ANKRD33B: variants seen among roughly 807,000 people sequenced by gnomAD.
ANKRD33B encodes ankyrin repeat domain-containing protein 33B.
ANKRD33B carries 6 observed loss-of-function variants against 21.5 expected under a neutral mutation model. That is an observed-to-expected ratio of 0.28 (90% CI 0.15 to 0.55). The LOEUF is 0.55. Among genes scored for constraint, ANKRD33B ranks in the 20% least tolerant of loss-of-function variants. ANKRD33B has a pLI of 0.94. For missense variants in ANKRD33B, 698 were observed against 747.2 expected (o/e 0.93, Z 0.77); for synonymous variants, 347 against 342.4 (o/e 1.01, Z -0.15).
At chr5:10,626,877 G>T (rs1412349102) in intron 2 of ANKRD33B, among the ~76,000 whole-genome samples, 1 of 152,220 alleles carries the variant, frequency 6.6e-6, no homozygotes, top group Non-Finnish European at 1.5e-5. Flanking sequence ...GTAGACAGCA[G>T]TCGCACTAAG....
chr5:10,613,348 G>A (rs570936791), intron 1 of ANKRD33B, among the ~76,000 whole-genome samples: 8 of 148,410 alleles, frequency 5.4e-5, no homozygotes, highest in Admixed American at 2.0e-4. Context: ...GCAGTGGCAC[G>A]ATCTCAGCTC....
Position 10,657,226 on chromosome 5 carries a change from AATAC to A in ANKRD33B, c.*7114_*7117del, listed in dbSNP as rs1737511595. ...GGGGCATCCGACTGAATTTGAAAAT[AATAC>A]CCCATTCAGATGAACATTAAAAGCC... On this transcript the variant is annotated 3_prime_UTR_variant, in exon 4 of 4. Coordinates refer to ENST00000296657, the MANE Select transcript of ANKRD33B (RefSeq NM_001164440.2). The A allele has an allele frequency of 6.6e-6, 1 of 152,396 alleles. No individual in the cohort carries two copies. The highest frequency in any genetic ancestry group is 1.5e-5 in the Non-Finnish European group (1 of 68,048). 9.4% of individuals were successfully genotyped at this position (152,396 alleles called of 1,614,324 possible).
Position 10,598,746 on chromosome 5 carries a change from T to C in ANKRD33B, c.367-19587T>C, listed in dbSNP as rs149762449. ...ATTAGCTACTACACCTGGCCAATCA[T>C]ATTTTATGTTAATAATACTTGGTTA... On this transcript the variant is annotated intron_variant, in intron 1 of 3. Coordinates refer to ENST00000296657, the MANE Select transcript of ANKRD33B (RefSeq NM_001164440.2). 8.5e-3 allele frequency among the ~76,000 whole-genome samples: 1,300 copies of C among 152,260 alleles called. 18 individuals carry two copies. The highest frequency in any genetic ancestry group is 0.01 in the Middle Eastern group (3 of 294).
At chr5:10,617,361 A>T (rs919668320) in intron 1 of ANKRD33B, among the ~76,000 whole-genome samples, 1 of 152,166 alleles carries the variant, frequency 6.6e-6, no homozygotes, top group African/African-American at 2.4e-5. Flanking sequence ...TCTGTCCCAC[A>T]TCCTGTCGCT....
intron 2 of ANKRD33B, among the ~76,000 whole-genome samples, chr5:10,620,118 G>A (rs749662121): frequency 5.3e-5 from 8 of 152,110 alleles, no homozygotes; most frequent in African/African-American, 7.2e-5. Context: ...TTTCAGTAGC[G>A]TGAGGCTGCG....
At chr5:10,623,734 C>T (rs1339748414) in intron 2 of ANKRD33B, among the ~76,000 whole-genome samples, 2 of 152,200 alleles carry the variant, frequency 1.3e-5, no homozygotes, top group African/African-American at 4.8e-5. Context: ...AGTCAGGTAG[C>T]AGGATCGGGT....
At position 10,649,908 on chromosome 5, in the gene ANKRD33B, G is replaced by T. The variant is rs902186415; in HGVS notation, c.1280G>T (p.Arg427Leu). 7.2e-6 allele frequency: 11 copies of T among 1,518,016 alleles called. No homozygotes were observed. In the East Asian group the frequency reaches 2.0e-4, roughly 28 times the overall value. The allele number at this position is 1,518,016 out of a possible 1,614,324, so 94.0% of individuals were successfully genotyped here. ...CCCGGTGTGGTGGTGCCCCGGGTCC[G>T]AGTCAGCAAGGCGCCCGCGCCCACC... ...VRPGVVVPRVRVSKAPAPTFQ... is the reference protein window; with the variant it reads ...VRPGVVVPRVLVSKAPAPTFQ... The change falls in exon 4 of 4, where the codon CGA (arginine) becomes CTA (leucine). Residue 427 changes from arginine (R) to leucine (L), a missense_variant. By Grantham distance (102) the Arg-to-Leu change is moderately radical. This residue lies in a region of ANKRD33B where 543 missense variants were observed against 566.5 expected (regional missense o/e 0.96). Transcript: ENST00000296657.
At chr5:10,624,774 A>G (rs535254369) in intron 2 of ANKRD33B, 1 of 456,714 alleles carries the variant, frequency 2.2e-6, no homozygotes, top group Admixed American at 2.3e-5. Flanking sequence ...CTGGCTCCCA[A>G]TCTTGCGCCT....
chr5:10,627,750 G>A (rs977240174), intron 2 of ANKRD33B, among the ~76,000 whole-genome samples: 18 of 152,176 alleles, frequency 1.2e-4, no homozygotes, highest in Non-Finnish European at 2.2e-4. Context: ...AGTTTATACC[G>A]TTTCAAATAA....
chr5:10,605,013 T>C (rs958467357), intron 1 of ANKRD33B, among the ~76,000 whole-genome samples: 1 of 152,222 alleles, frequency 6.6e-6, no homozygotes. Context: ...GCTGTGGCTG[T>C]AGTTGTCTGA....
At chr5:10,566,602 A>G (rs1277285423) in intron 1 of ANKRD33B, among the ~76,000 whole-genome samples, 1 of 152,226 alleles carries the variant, frequency 6.6e-6, no homozygotes, top group African/African-American at 2.4e-5. Context: ...TCAGCTTTAT[A>G]TAATGTTTCC....
chr5:10,564,211 G>A lies in ANKRD33B; in HGVS notation c.-257G>A, dbSNP rs955536531. On this transcript the variant is annotated 5_prime_UTR_variant, in exon 1 of 4. Coordinates refer to ENST00000296657, the MANE Select transcript of ANKRD33B (RefSeq NM_001164440.2). ...GGGGCGCGAGGGGAAGGCCCCGGGG[G>A]AAGGCGTGTCCCCGCGCCCCGCCCC... 4 of 155,786 alleles carry A rather than the reference G, an allele frequency of 2.6e-5. No homozygotes were observed. The highest frequency in any genetic ancestry group is 1.3e-4 in the Admixed American group (2 of 15,418). 9.7% of individuals were successfully genotyped at this position (155,786 alleles called of 1,614,324 possible).
At chr5:10,575,829 G>A (rs1386756101) in intron 1 of ANKRD33B, among the ~76,000 whole-genome samples, 1 of 152,200 alleles carries the variant, frequency 6.6e-6, no homozygotes, top group Non-Finnish European at 1.5e-5. Flanking sequence ...GAACTGATCA[G>A]AGGCTGCTGG....
chr5:10,621,490 C>G (rs1736420539), intron 2 of ANKRD33B, among the ~76,000 whole-genome samples: 1 of 152,232 alleles, frequency 6.6e-6, no homozygotes, highest in African/African-American at 2.4e-5. Context: ...TTGCAGCAAT[C>G]ACAATGCATT....
At chr5:10,647,917 T>C (rs571399776) in intron 3 of ANKRD33B, among the ~76,000 whole-genome samples, 2 of 152,220 alleles carry the variant, frequency 1.3e-5, no homozygotes, top group Non-Finnish European at 2.9e-5. Context: ...AAAATACCTT[T>C]GGGGCAACAC....
rs945653470 is a variant in ANKRD33B, at chr5:10,618,401, C to G, written c.435C>G (p.His145Gln). 6.5e-7 allele frequency: 1 copy of G among 1,537,598 alleles called. No homozygotes were observed. Among genetic ancestry groups the G allele is most frequent in the East Asian group, 2.4e-5 (1 of 41,062 alleles). The change falls in exon 2 of 4, where the codon CAC becomes CAG. Residue 145 changes from histidine to glutamine, a missense_variant. His to Gln is a conservative substitution (Grantham distance 24). Coordinates refer to ENST00000296657, the MANE Select transcript of ANKRD33B (RefSeq NM_001164440.2). ...DTVVALAECPHVDVNWQDSEG... is the reference protein window; with the variant it reads ...DTVVALAECPQVDVNWQDSEG... ...TGGTGGCCTTAGCAGAGTGCCCCCA[C>G]GTTGACGTCAACTGGCAGGACAGCG...
Position 10,564,708 on chromosome 5 carries a change from G to A in ANKRD33B, c.241G>A (p.Glu81Lys). The A allele has an allele frequency of 6.5e-7, 1 of 1,533,732 alleles. No individual in the cohort carries two copies. Among genetic ancestry groups the A allele is most frequent in the South Asian group, 1.2e-5 (1 of 83,964 alleles). ...SAESVPEGVP[E>K]SVPETATLLR... The stretch of plus-strand genomic sequence containing the variant: ...GGAGAGCGTCCCGGAGGGCGTCCCG[G>A]AAAGCGTCCCGGAGACGGCGACCCT... The change falls in exon 1 of 4, where the codon GAA becomes AAA. Residue 81 changes from glutamate to lysine, a missense_variant. By Grantham distance (56) the Glu-to-Lys change is moderately conservative (BLOSUM62 1). Around this residue, in one of 3 missense-constraint regions of ANKRD33B, gnomAD observed 148 missense variants for 154.9 expected, o/e 0.96. Transcript: ENST00000296657.
chr5:10,651,916 C>G lies in ANKRD33B; in HGVS notation c.*1803C>G, dbSNP rs568438941. The G allele has an allele frequency of 6.6e-6, 1 of 152,530 alleles. No individual in the cohort carries two copies. The highest frequency in any genetic ancestry group is 1.9e-4 in the East Asian group (1 of 5,330). The allele number at this position is 152,530 out of a possible 1,614,324, so 9.4% of individuals were successfully genotyped here. ...AAGATGAGATTGCAGTGAGTTCCTC[C>G]TTAATCCCAGAAGGGCACCATGATG... On this transcript the variant is annotated 3_prime_UTR_variant, in exon 4 of 4. Transcript: ENST00000296657.
At chr5:10,571,580 A>C (rs989515153) in intron 1 of ANKRD33B, among the ~76,000 whole-genome samples, 5 of 152,168 alleles carry the variant, frequency 3.3e-5, no homozygotes, top group Non-Finnish European at 7.3e-5. Flanking sequence ...TTCATTTCCT[A>C]GTCCTGATCT....
Sources: allele counts gnomAD v4.1 joint callset (sites outside exome capture counted in the v4.1 genomes callset), GRCh38; gene constraint gnomAD v4.1.1; regional missense constraint gnomAD v4.1.1; transcripts MANE v1.5; gene names NCBI Gene and HGNC (gene_info 2026-07-23, HGNC 2026-07-21).